OSBPL5: variants seen among roughly 807,000 people sequenced by gnomAD.
OSBPL5 encodes the protein oxysterol-binding protein-related protein 5.
In OSBPL5, 71 loss-of-function variants were observed where a neutral mutation model predicts 111.2. That is an observed-to-expected ratio of 0.64 (90% CI 0.53 to 0.78). The LOEUF is 0.78. OSBPL5 is among the 30% of genes least tolerant of loss of function. The pLI, the probability that OSBPL5 is intolerant of heterozygous loss-of-function variation, is 0.00. For missense variants in OSBPL5, 1,210 were observed against 1,189.3 expected, an observed-to-expected ratio of 1.02 and a Z score of -0.26; for synonymous variants, 549 against 513.9, an observed-to-expected ratio of 1.07 and a Z score of -0.93.
chr11:3,160,598 G>A (rs1484150485), intron 1 of OSBPL5, among the ~76,000 whole-genome samples: 1 of 152,158 alleles, frequency 6.6e-6, no homozygotes, highest in Non-Finnish European at 1.5e-5. Flanking sequence ...GGGGCGCGGA[G>A]ATGCGGATGC....
intron 19 of OSBPL5, among the ~76,000 whole-genome samples, chr11:3,091,666 C>T (rs1564820193): frequency 6.6e-6 from 1 of 152,150 alleles, no homozygotes; most frequent in Non-Finnish European, 1.5e-5. Context: ...GGGGGTGCAT[C>T]TGTCTACCTT....
rs71035486 is a variant in OSBPL5, at chr11:3,113,654, CAAA to C, written c.692-5712_692-5710del. Among the ~76,000 whole-genome samples the C allele has an allele frequency of 1.4e-5, 2 of 146,060 alleles. No individual in the cohort carries two copies. The highest frequency in any genetic ancestry group is 5.1e-5 in the African/African-American group (2 of 39,482). On this transcript the variant is annotated intron_variant, in intron 7 of 21. Transcript: ENST00000263650. The surrounding 1 kb of genome is among the most constrained non-coding windows in gnomAD (Gnocchi z 4.8). ...GGGAGACTAGAGCAAGACTCCGTCT[CAAA>C]AAAAAAAAAATTTATATTGGTTTAA...
At chr11:3,128,450 G>A (rs950202667) in intron 2 of OSBPL5, among the ~76,000 whole-genome samples, 2 of 152,206 alleles carry the variant, frequency 1.3e-5, no homozygotes, top group African/African-American at 4.8e-5. Flanking sequence ...ATAGTTAGGT[G>A]CCAGGGAGGG....
Position 3,088,270 on chromosome 11 carries a change from G to A in OSBPL5, c.2575C>T (p.Arg859Ter), listed in dbSNP as rs766677689. The change falls in exon 22 of 22, where the codon CGA (arginine) becomes TGA (stop). Residue 859 changes from arginine (R) to a stop codon, truncating the protein, a stop_gained. Coordinates refer to ENST00000263650, the MANE Select transcript of OSBPL5 (RefSeq NM_020896.4). LOFTEE classifies it high-confidence loss of function. ...APTPGLLQSPRSWFLLCVFLA... is the reference protein window; with the variant it reads ...APTPGLLQSP ...AACACGCAGAGCAGGAACCAGGATC[G>A]GGGGCTCTGCAGGAGGCCTGGGGTC... 3 of 1,608,568 alleles carry A rather than the reference G, an allele frequency of 1.9e-6. No homozygotes were observed. The highest frequency in any genetic ancestry group is 2.2e-5 in the South Asian group (2 of 90,102).
chr11:3,108,340 C>A (rs1379155490), intron 7 of OSBPL5, among the ~76,000 whole-genome samples: 2 of 152,176 alleles, frequency 1.3e-5, no homozygotes, highest in African/African-American at 4.8e-5. Flanking sequence ...CCAGAACACT[C>A]GGAACCAGCC....
rs1857730348 is a variant in OSBPL5, at chr11:3,107,227, G to A, written c.1059+36C>T. 1.9e-6 allele frequency: 3 copies of A among 1,599,892 alleles called. No individual in the cohort carries two copies. Among genetic ancestry groups the A allele is most frequent in the South Asian group, 1.1e-5 (1 of 90,524 alleles). On this transcript the variant is annotated intron_variant, in intron 9 of 21. Coordinates refer to ENST00000263650, the MANE Select transcript of OSBPL5 (RefSeq NM_020896.4). The surrounding 1 kb of genome is among the most constrained non-coding windows in gnomAD (Gnocchi z 6.1). ...TTCCGGAACAAGGGGCCGAGGCAGG[G>A]GAGACGCTTGGGGCTCCTGGCTGGG...
intron 1 of OSBPL5, among the ~76,000 whole-genome samples, chr11:3,132,835 G>C (rs1078804): frequency 0.73 from 110,563 of 152,196 alleles, 40,648 homozygotes; most frequent in Non-Finnish European, 0.78. Flanking sequence ...CAGGTGAGGG[G>C]TGGTGGGGTC....
chr11:3,125,576 C>G (rs774522577), intron 3 of OSBPL5, among the ~76,000 whole-genome samples: 1 of 152,136 alleles, frequency 6.6e-6, no homozygotes, highest in South Asian at 2.1e-4. Context: ...GAGGCCGAGG[C>G]GGGTGGATCA....
chr11:3,160,705 C>T (rs955195903), intron 1 of OSBPL5, among the ~76,000 whole-genome samples: 1 of 141,234 alleles, frequency 7.1e-6, no homozygotes. Flanking sequence ...CACCGAGCGC[C>T]GTATTCACCC....
chr11:3,149,866 C>G (rs555232368), intron 1 of OSBPL5, among the ~76,000 whole-genome samples: 53 of 152,338 alleles, frequency 3.5e-4, no homozygotes, highest in Non-Finnish European at 6.9e-4. Context: ...CTGACATGCA[C>G]GAGTGTGATG....
rs1456761314 is a variant in OSBPL5 at position 3,103,823 on chromosome 11, GC to G, written c.1244+369del. ...CTGCAGCCCTCTTCCTGCCTGCGCA[GC>G]CCCCTTCCAGCCTCTGCAGCCCCTT... On this transcript the variant is annotated intron_variant, in intron 10 of 21. Coordinates refer to ENST00000263650, the MANE Select transcript of OSBPL5 (RefSeq NM_020896.4). Among the ~76,000 whole-genome samples the G allele has an allele frequency of 5.2e-3, 152 of 29,054 alleles. 5 individuals are homozygous for G. Among genetic ancestry groups the G allele is most frequent in the East Asian group, 0.02 (9 of 440 alleles). The allele number at this position is 29,054 out of a possible 152,430, so 19.1% of individuals were successfully genotyped here.
intron 7 of OSBPL5, 59 bp downstream of exon 7, chr11:3,119,488 A>G (rs1858325334): frequency 2.0e-6 from 3 of 1,500,698 alleles, no homozygotes; most frequent in Non-Finnish European, 2.7e-6. Flanking sequence ...TACAACCTCA[A>G]AAGGGGGCCC....
chr11:3,129,586 T>C (rs965341464), intron 1 of OSBPL5, among the ~76,000 whole-genome samples: 1 of 152,094 alleles, frequency 6.6e-6, no homozygotes, highest in African/African-American at 2.4e-5. Context: ...AGAGCTTCCA[T>C]GGAGAAGATG....
In OSBPL5 at chr11:3,107,341, G is replaced by A. The variant is rs919989888; in HGVS notation, c.981C>T (p.Ser327=). ...QDHSRKTESG[S]DQSETPGAPV... ...GGGCCCCAGGGGTCTCTGACTGGTC[G>A]CTGCCACTCTCCGTCTTCCGGCTAT... Residue 327 remains serine (S), a synonymous_variant, in exon 9 of 22, where the codon AGC becomes AGT. Transcript: ENST00000263650. The surrounding 1 kb of genome is among the most constrained non-coding windows in gnomAD (Gnocchi z 6.1). 23 of 1,613,800 alleles carry A rather than the reference G, an allele frequency of 1.4e-5. No individual in the cohort carries two copies. The highest frequency in any genetic ancestry group is 1.9e-5 in the Non-Finnish European group (22 of 1,179,966).
In OSBPL5 at chr11:3,130,940, G is replaced by T. The variant is rs1384043025; in HGVS notation, c.-21-1771C>A. On this transcript the variant is annotated intron_variant, in intron 1 of 21. Transcript: ENST00000263650. This position sits in a 1 kb window ranked among gnomAD's most constrained non-coding sequence, Gnocchi z 4.5. ...CTGAGATTTTCTGAGCACCCAGGCT[G>T]GGCTGGGCACCAGGCAGCCAAGGTA... Among the ~76,000 whole-genome samples the T allele has an allele frequency of 6.6e-6, 1 of 152,168 alleles. No homozygotes were observed. The highest frequency in any genetic ancestry group is 1.5e-5 in the Non-Finnish European group (1 of 68,022).
rs555046676 is a variant in OSBPL5 at position 3,130,058 on chromosome 11, C to T, written c.-21-889G>A. ...CCCACCAGCCCTACACCTAGTAGTG[C>T]TGGGCCAAGCAGAGGGTAACTGATT... On this transcript the variant is annotated intron_variant, in intron 1 of 21. Coordinates refer to ENST00000263650, the MANE Select transcript of OSBPL5 (RefSeq NM_020896.4). The surrounding 1 kb of genome is among the most constrained non-coding windows in gnomAD (Gnocchi z 4.5). 4.6e-5 allele frequency among the ~76,000 whole-genome samples: 7 copies of T among 152,376 alleles called. No individual in the cohort carries two copies. The South Asian group carries it at 1.4e-3, about 32-fold the overall frequency.
In OSBPL5 at chr11:3,092,391, C is replaced by T. The variant is rs1435707843; in HGVS notation, c.2259+41G>A. ...CGAGGGGTGGTGGTGGCCACACGTG[C>T]AGCTAAGACCAGCCCTGGGTGGGGC... is the stretch of plus-strand genomic sequence containing the variant. On this transcript the variant is annotated intron_variant, in intron 19 of 21. Transcript: ENST00000263650. This position sits in a 1 kb window ranked among gnomAD's most constrained non-coding sequence, Gnocchi z 5.4. 4.6e-6 allele frequency: 7 copies of T among 1,530,210 alleles called. No individual in the cohort carries two copies. In the East Asian group the frequency reaches 9.5e-5, roughly 21 times the overall value. 94.8% of individuals were successfully genotyped at this position (1,530,210 alleles called of 1,614,324 possible).
Position 3,107,430 on chromosome 11 carries a change from C to T in OSBPL5, c.892G>A (p.Asp298Asn), listed in dbSNP as rs745480803. 10 of 1,613,950 alleles carry T rather than the reference C, an allele frequency of 6.2e-6. No individual in the cohort carries two copies. In the African/African-American group the frequency reaches 8.0e-5, roughly 13 times the overall value. ...FPLNGSSLEN[D>N]AFSDKSEREN... ...CTCTCCGACTTGTCTGAGAATGCAT[C>T]GTTCTCCAGGGAAGACCCGTTCAGT... The change falls in exon 9 of 22, where the codon GAT (aspartate) becomes AAT (asparagine). Residue 298 changes from aspartate to asparagine, a missense_variant. Transcript: ENST00000263650. The surrounding 1 kb of genome is among the most constrained non-coding windows in gnomAD (Gnocchi z 6.1).
intron 7 of OSBPL5, among the ~76,000 whole-genome samples, chr11:3,111,016 A>C (rs1442166120): frequency 1.3e-5 from 2 of 152,132 alleles, no homozygotes; most frequent in Non-Finnish European, 2.9e-5. Flanking sequence ...GTAACCACTG[A>C]AGGATTCTGA....
Sources: gnomAD v4.1 joint callset for allele counts (sites outside exome capture counted in the v4.1 genomes callset) on GRCh38, gnomAD v4.1.1 for gene constraint, Gnocchi (gnomAD v3.1) non-coding constraint, MANE v1.5 for transcripts, NCBI Gene and HGNC (gene_info 2026-07-23, HGNC 2026-07-21) for gene names.